Variants in ENAH observed in about 807,000 individuals in gnomAD.
ENAH encodes the protein protein enabled homolog.
Under a neutral mutation model 78.7 loss-of-function variants are expected in ENAH, and 23 were observed. The observed-to-expected ratio is 0.29, with a 90% confidence interval of 0.21 to 0.41. The LOEUF is 0.41. ENAH is among the 10% of genes least tolerant of loss of function. ENAH has a pLI of 1.00. For missense variants in ENAH, 544 were observed against 691.0 expected, an observed-to-expected ratio of 0.79 and a Z score of 2.39; for synonymous variants, 226 against 241.0, an observed-to-expected ratio of 0.94 and a Z score of 0.58.
chr1:225,608,540 G>A (rs1369087575), intron 1 of ENAH, among the ~76,000 whole-genome samples: 1 of 151,850 alleles, frequency 6.6e-6, no homozygotes. Flanking sequence ...TGGAGGCCAG[G>A]CACCGTGGCT....
At chr1:225,650,315 G>A (rs1229980860) in intron 1 of ENAH, among the ~76,000 whole-genome samples, 1 of 152,150 alleles carries the variant, frequency 6.6e-6, no homozygotes, top group East Asian at 1.9e-4. Flanking sequence ...TTACGTTACT[G>A]GAAAACATCA....
intron 3 of ENAH, among the ~76,000 whole-genome samples, chr1:225,552,175 C>G (rs964009551): frequency 7.8e-6 from 1 of 127,876 alleles, no homozygotes; most frequent in African/African-American, 3.0e-5. Context: ...CTTGCTCAGT[C>G]GCCCAGGCTG....
intron 1 of ENAH, among the ~76,000 whole-genome samples, chr1:225,603,665 T>C (rs2096941148): frequency 6.6e-6 from 1 of 152,160 alleles, no homozygotes; most frequent in Non-Finnish European, 1.5e-5. Context: ...CCAAGTGCTA[T>C]GAGTCATGTT....
chr1:225,561,833 T>A (rs1050447577), intron 2 of ENAH, among the ~76,000 whole-genome samples: 1 of 151,902 alleles, frequency 6.6e-6, no homozygotes, highest in Non-Finnish European at 1.5e-5. Flanking sequence ...CATAACAGAG[T>A]AAACAGTGCA....
At chr1:225,506,772 T>C (rs542635609) in intron 11 of ENAH, among the ~76,000 whole-genome samples, 66 of 152,208 alleles carry the variant, frequency 4.3e-4, no homozygotes, top group Non-Finnish European at 8.5e-4. Context: ...CACTACCAAA[T>C]CTTCTTTCCT....
intron 1 of ENAH, among the ~76,000 whole-genome samples, chr1:225,646,950 G>A (rs1011949675): frequency 1.3e-5 from 2 of 151,996 alleles, no homozygotes; most frequent in African/African-American, 4.8e-5. Flanking sequence ...AGCAGGGCTG[G>A]GGGCGGTGAC....
intron 2 of ENAH, among the ~76,000 whole-genome samples, chr1:225,557,058 G>A (rs2096670936): frequency 6.6e-6 from 1 of 152,128 alleles, no homozygotes; most frequent in Non-Finnish European, 1.5e-5. Context: ...AAATCTAGAT[G>A]ACCATTAGAG....
intron 5 of ENAH, chr1:225,517,708 C>T (rs555206721): frequency 4.7e-5 from 73 of 1,550,798 alleles, no homozygotes; most frequent in Non-Finnish European, 6.1e-5. Flanking sequence ...AGAAGAAGGT[C>T]GAGAGTTTTT....
At chr1:225,626,715 T>C (rs768296009) in intron 1 of ENAH, among the ~76,000 whole-genome samples, 13 of 152,398 alleles carry the variant, frequency 8.5e-5, no homozygotes, top group Admixed American at 2.0e-4. Context: ...TTACCACTTT[T>C]GGAAAACCAA....
chr1:225,604,722 G>A (rs1413912861), intron 1 of ENAH, among the ~76,000 whole-genome samples: 1 of 152,106 alleles, frequency 6.6e-6, no homozygotes, highest in Admixed American at 6.5e-5. Context: ...AAGCCCATGA[G>A]GCAGGGGTTG....
chr1:225,526,061 G>A (rs1263588665), intron 4 of ENAH, among the ~76,000 whole-genome samples: 7 of 152,024 alleles, frequency 4.6e-5, no homozygotes, highest in Non-Finnish European at 1.0e-4. Flanking sequence ...GACACAGATG[G>A]CCCTTCCCAG....
At chr1:225,533,380 C>T (rs1291041881) in intron 3 of ENAH, among the ~76,000 whole-genome samples, 1 of 152,100 alleles carries the variant, frequency 6.6e-6, no homozygotes, top group African/African-American at 2.4e-5. Context: ...AGTGTGTTCT[C>T]ATAAAATGCA....
chr1:225,520,618 G>A lies in ENAH; in HGVS notation c.435-1053C>T, dbSNP rs559234989. 1.2e-3 allele frequency among the ~76,000 whole-genome samples: 182 copies of A among 152,218 alleles called. 1 individual carries two copies. Among genetic ancestry groups the A allele is most frequent in the South Asian group, 4.6e-3 (22 of 4,830 alleles). On this transcript the variant is annotated intron_variant, in intron 4 of 13. Coordinates refer to ENST00000366843, the MANE Select transcript of ENAH (RefSeq NM_018212.6). ...CTCAGCTGTAATCCTAGCACTTTGGGAGGCTGAGTGGGAGGATTGTCTGAA... is the reference window on the plus strand; with the variant it reads ...CTCAGCTGTAATCCTAGCACTTTGGAAGGCTGAGTGGGAGGATTGTCTGAA...
intron 4 of ENAH, among the ~76,000 whole-genome samples, chr1:225,520,927 AG>A (rs2096462435): frequency 0.16 from 60 of 366 alleles, 1 homozygote; most frequent in South Asian, 0.36. Flanking sequence ...GGAGGAAGGG[AG>A]GGAGGGAGGG....
At chr1:225,539,014 T>A (rs1026411434) in intron 3 of ENAH, among the ~76,000 whole-genome samples, 1 of 152,230 alleles carries the variant, frequency 6.6e-6, no homozygotes, top group African/African-American at 2.4e-5. Flanking sequence ...AAGGGCATTA[T>A]TGAGTATATG....
At chr1:225,564,966 C>A (rs939762473) in intron 2 of ENAH, among the ~76,000 whole-genome samples, 6 of 151,616 alleles carry the variant, frequency 4.0e-5, no homozygotes, top group Non-Finnish European at 8.8e-5. Context: ...TTCTTATTTT[C>A]TAAATATTTT....
At chr1:225,631,340 C>T (rs1558937222) in intron 1 of ENAH, among the ~76,000 whole-genome samples, 1 of 151,476 alleles carries the variant, frequency 6.6e-6, no homozygotes, top group Non-Finnish European at 1.5e-5. Flanking sequence ...CTTTGGGAGG[C>T]GCATGGATCA....
At chr1:225,537,886 C>T (rs755923074) in intron 3 of ENAH, among the ~76,000 whole-genome samples, 2 of 152,064 alleles carry the variant, frequency 1.3e-5, no homozygotes, top group Non-Finnish European at 2.9e-5. Flanking sequence ...AAACGACAGG[C>T]TGTTTAGATT....
At chr1:225,647,389 T>C (rs979699639) in intron 1 of ENAH, among the ~76,000 whole-genome samples, 2 of 152,202 alleles carry the variant, frequency 1.3e-5, no homozygotes, top group African/African-American at 4.8e-5. Flanking sequence ...ATTCAGAATT[T>C]AATCATAAAG....
Sources: allele counts gnomAD v4.1 joint callset (sites outside exome capture counted in the v4.1 genomes callset), GRCh38; gene constraint gnomAD v4.1.1; transcripts MANE v1.5; gene names NCBI Gene and HGNC (gene_info 2026-07-23, HGNC 2026-07-21).